The following ZKSCAN3 variants were observed in gnomAD, a reference collection of about 807,000 sequenced individuals.
ZKSCAN3 encodes the protein zinc finger with KRAB and SCAN domains 3.
In ZKSCAN3, 21 loss-of-function variants were observed where a neutral mutation model predicts 30.7. The observed-to-expected ratio is 0.68, with a 90% CI of 0.49 to 0.99. The LOEUF is 0.99. Ranked by LOEUF, ZKSCAN3 falls within the 50% of genes least tolerant of loss-of-function variation. ZKSCAN3 has a pLI of 0.00. For missense variants in ZKSCAN3, 507 were observed against 647.1 expected (o/e 0.78, Z 2.35); for synonymous variants, 201 against 246.7 (o/e 0.81, Z 1.73).
intron 1 of ZKSCAN3, among the ~76,000 whole-genome samples, chr6:28,359,016 T>C (rs1765613637): frequency 6.6e-6 from 1 of 151,656 alleles, no homozygotes; most frequent in Admixed American, 6.6e-5. Context: ...AGCCAAGGTG[T>C]TGGTAGGGCT....
At chr6:28,358,484 A>G (rs1765567180) in intron 1 of ZKSCAN3, among the ~76,000 whole-genome samples, 1 of 151,322 alleles carries the variant, frequency 6.6e-6, no homozygotes, top group South Asian at 2.1e-4. Context: ...TTTCCCAGAT[A>G]TTTTCCAGCT....
rs373490137 is a variant in ZKSCAN3 at position 28,363,148 on chromosome 6, TGCAGTG to T, written c.551-152_551-147del. 5.2e-3 allele frequency among the ~76,000 whole-genome samples: 792 copies of T among 152,256 alleles called. 9 individuals are homozygous for T. Among genetic ancestry groups the T allele is most frequent in the Non-Finnish European group, 8.6e-3 (588 of 68,018 alleles). On this transcript the variant is annotated intron_variant, in intron 3 of 5. Transcript: ENST00000252211. ...TCTTACTTTGTTGCCCAGGCTGGAGTGCAGTGGCTCAATCACAGCTCATTGCAGCTT... is the reference window on the plus strand; with the variant it reads ...TCTTACTTTGTTGCCCAGGCTGGAGTGCTCAATCACAGCTCATTGCAGCTT...
intron 1 of ZKSCAN3, chr6:28,353,830 A>T (rs1033349662): frequency 4.4e-6 from 2 of 457,000 alleles, no homozygotes; most frequent in Non-Finnish European, 8.8e-6. Flanking sequence ...CCAGTGAATT[A>T]TACTATTAGC....
Position 28,359,675 on chromosome 6 carries a change from A to G in ZKSCAN3, c.89A>G (p.Glu30Gly). The change falls in exon 2 of 6, where the codon GAA becomes GGA. Residue 30 changes from glutamate to glycine, a missense_variant. Coordinates refer to ENST00000252211, the MANE Select transcript of ZKSCAN3 (RefSeq NM_024493.4). Reference sequence around the variant, plus strand: ...CTTCTGGTCATAAAGGTGGAGGAAGAAGAAGCCGGTTTTCCCAGTAGCCCA... The same window carrying G: ...CTTCTGGTCATAAAGGTGGAGGAAGGAGAAGCCGGTTTTCCCAGTAGCCCA... ...MELLVIKVEE[E>G]EAGFPSSPDL... 6.2e-7 allele frequency: 1 copy of G among 1,614,212 alleles called. No individual in the cohort carries two copies. The highest frequency in any genetic ancestry group is 8.5e-7 in the Non-Finnish European group (1 of 1,180,036).
intron 1 of ZKSCAN3, among the ~76,000 whole-genome samples, chr6:28,354,636 T>C (rs904185378): frequency 1.4e-4 from 21 of 152,252 alleles, no homozygotes; most frequent in African/African-American, 4.8e-4. Context: ...GGAGCAATAA[T>C]TTCAGGTTAT....
In ZKSCAN3 at chr6:28,364,778, A is replaced by G. The variant is rs555603151; in HGVS notation, c.758-648A>G. Among the ~76,000 whole-genome samples, 8 of 152,140 alleles carry G rather than the reference A, an allele frequency of 5.3e-5. No homozygotes were observed. In the East Asian group the frequency reaches 1.4e-3, roughly 26 times the overall value. On this transcript the variant is annotated intron_variant, in intron 5 of 5. Coordinates refer to ENST00000252211, the MANE Select transcript of ZKSCAN3 (RefSeq NM_024493.4). ...AGTCTCACTCTGTCGCCCAGGCTGGAGTGCAGTGGTGCAGTCTTGGCTCAC... is the reference window on the plus strand; with the variant it reads ...AGTCTCACTCTGTCGCCCAGGCTGGGGTGCAGTGGTGCAGTCTTGGCTCAC...
Position 28,368,112 on chromosome 6 carries a change from G to A in ZKSCAN3, c.*1827G>A, listed in dbSNP as rs1276958195. On this transcript the variant is annotated 3_prime_UTR_variant, in exon 6 of 6. Coordinates refer to ENST00000252211, the MANE Select transcript of ZKSCAN3 (RefSeq NM_024493.4). Reference sequence around the variant, plus strand: ...TTCTCCTTATTCAATTCCCACCTATGAGTGAGAATATGCCGTGTTTGATTT... The same window carrying A: ...TTCTCCTTATTCAATTCCCACCTATAAGTGAGAATATGCCGTGTTTGATTT... 1 of 142,742 alleles carries A rather than the reference G, an allele frequency of 7.0e-6. No homozygotes were observed. The highest frequency in any genetic ancestry group is 2.6e-5 in the African/African-American group (1 of 38,092). The allele number at this position is 142,742 out of a possible 1,614,324, so 8.8% of individuals were successfully genotyped here.
chr6:28,354,917 C>T lies in ZKSCAN3; in HGVS notation c.-62-4608C>T, dbSNP rs114485618. Among the ~76,000 whole-genome samples, 166 of 152,336 alleles carry T rather than the reference C, an allele frequency of 1.1e-3. 1 individual carries two copies. Among genetic ancestry groups the T allele is most frequent in the African/African-American group, 3.8e-3 (156 of 41,578 alleles). Reference sequence around the variant, plus strand: ...ACTGCCCAGCTATCAGTGCAGATTACGTGTCACCTTCTTGGTGATCACCAT... The same window carrying T: ...ACTGCCCAGCTATCAGTGCAGATTATGTGTCACCTTCTTGGTGATCACCAT... On this transcript the variant is annotated intron_variant, in intron 1 of 5. Coordinates refer to ENST00000252211, the MANE Select transcript of ZKSCAN3 (RefSeq NM_024493.4).
At chr6:28,354,337 G>A (rs1000103709) in intron 1 of ZKSCAN3, 9 of 218,586 alleles carry the variant, frequency 4.1e-5, no homozygotes, top group East Asian at 1.1e-4. Flanking sequence ...GCTGAGTCAC[G>A]CTGGCCTGCA....
chr6:28,366,014 C>T lies in ZKSCAN3; in HGVS notation c.1346C>T (p.Thr449Ile). The change falls in exon 6 of 6, where the codon ACT (threonine) becomes ATT (isoleucine). Residue 449 changes from threonine to isoleucine, a missense_variant. Transcript: ENST00000252211. ...CTCCTGAGACATCAGAGGATCCATA[C>T]TGGGGATAAAAATGTTCAGGAACCT... ...SHLLRHQRIH[T>I]GDKNVQEPEQ... is the part of the protein sequence containing the mutation. 5 of 1,613,806 alleles carry T rather than the reference C, an allele frequency of 3.1e-6. No individual in the cohort carries two copies. The highest frequency in any genetic ancestry group is 4.2e-6 in the Non-Finnish European group (5 of 1,179,856).
rs981143295 is a variant in ZKSCAN3, at chr6:28,350,054, G to C, written c.-76G>C. On this transcript the variant is annotated 5_prime_UTR_variant, in exon 1 of 6. Transcript: ENST00000252211. ...CTCCTGTCGGTCCTGCAGTTCTTTT[G>C]TCCCCGGGTAGAGGTGCGTTTGCAG... The C allele has an allele frequency of 6.6e-6, 1 of 152,374 alleles. No homozygotes were observed. The highest frequency in any genetic ancestry group is 2.4e-5 in the African/African-American group (1 of 41,288). 9.4% of individuals were successfully genotyped at this position (152,374 alleles called of 1,614,324 possible). A position where few individuals can be genotyped will look rare whatever the true frequency, so the allele number is the denominator to read the frequency against.
chr6:28,366,425 T>C lies in ZKSCAN3; in HGVS notation c.*140T>C, dbSNP rs888642371. 9 of 920,616 alleles carry C rather than the reference T, an allele frequency of 9.8e-6. No homozygotes were observed. The highest frequency in any genetic ancestry group is 1.7e-5 in the African/African-American group (1 of 59,932). The allele number at this position is 920,616 out of a possible 1,614,324, so 57.0% of individuals were successfully genotyped here. Reference sequence around the variant, plus strand: ...CAGGTGTTAGAAAATGTAGACTGGGTTAGACAAATTATCTTCTAAGTTCTA... The same window carrying C: ...CAGGTGTTAGAAAATGTAGACTGGGCTAGACAAATTATCTTCTAAGTTCTA... On this transcript the variant is annotated 3_prime_UTR_variant, in exon 6 of 6. Transcript: ENST00000252211.
chr6:28,353,967 A>C (rs1231834547), intron 1 of ZKSCAN3: 2 of 454,638 alleles, frequency 4.4e-6, no homozygotes, highest in African/African-American at 4.0e-5. Flanking sequence ...AGGCAGGTAA[A>C]ATATGATTTT....
rs373340452 is a variant in ZKSCAN3 at position 28,363,723 on chromosome 6, C to T, written c.665C>T (p.Thr222Ile). ...TTGAAAGTGGAAGATGTGGCCCTGA[C>T]CCTCACCCCTGAATGGACACAGCAG... Reference protein sequence around the residue: ...GLLKVEDVALTLTPEWTQQDS... With the variant: ...GLLKVEDVALILTPEWTQQDS... The change falls in exon 5 of 6, where the codon ACC becomes ATC. Residue 222 changes from threonine to isoleucine, a missense_variant. Thr to Ile is a moderately conservative substitution (Grantham distance 89). Transcript: ENST00000252211. 1.9e-4 allele frequency: 314 copies of T among 1,614,026 alleles called. No homozygotes were observed. The highest frequency in any genetic ancestry group is 2.4e-4 in the Non-Finnish European group (285 of 1,179,964).
intron 2 of ZKSCAN3, chr6:28,360,522 A>G: frequency 3.1e-6 from 3 of 963,824 alleles, no homozygotes; most frequent in Non-Finnish European, 3.7e-6. Context: ...CTACGTGGGA[A>G]GGAGTTCATG....
intron 3 of ZKSCAN3, 33 bp from the exon 4 acceptor site, chr6:28,363,270 G>A (rs1765832680): frequency 6.3e-7 from 1 of 1,589,084 alleles, no homozygotes; most frequent in African/African-American, 1.3e-5. Flanking sequence ...GAATGCCAGG[G>A]TACATCTCAT....
chr6:28,364,030 C>G (rs967489854), intron 5 of ZKSCAN3, among the ~76,000 whole-genome samples: 1 of 152,098 alleles, frequency 6.6e-6, no homozygotes, highest in Non-Finnish European at 1.5e-5. Flanking sequence ...AGTGCAGTGA[C>G]ACAATCATGG....
rs1040683909 is a variant in ZKSCAN3, at chr6:28,351,751, T to A, written c.-63+1684T>A. 2.0e-5 allele frequency among the ~76,000 whole-genome samples: 3 copies of A among 151,826 alleles called. No individual in the cohort carries two copies. Among genetic ancestry groups the A allele is most frequent in the African/African-American group, 7.3e-5 (3 of 41,284 alleles). ...CCTTCCCTCCCTCTCCCCCTCTTTATCTCTTTTTTTTCCTCATTTCGTCCC... is the reference window on the plus strand; with the variant it reads ...CCTTCCCTCCCTCTCCCCCTCTTTAACTCTTTTTTTTCCTCATTTCGTCCC... On this transcript the variant is annotated intron_variant, in intron 1 of 5. Coordinates refer to ENST00000252211, the MANE Select transcript of ZKSCAN3 (RefSeq NM_024493.4). The surrounding 1 kb of genome is among the most constrained non-coding windows in gnomAD (Gnocchi z 4.6).
chr6:28,363,796 T>A lies in ZKSCAN3; in HGVS notation c.738T>A (p.His246Gln), dbSNP rs213227. 0.02 allele frequency: 32,189 copies of A among 1,613,804 alleles called. 841 individuals carry two copies. Among genetic ancestry groups the A allele is most frequent in the African/African-American group, 0.12 (8,893 of 74,992 alleles). ...NLCRDEKQEN[H>Q]GSLVSLGDEK... The stretch of plus-strand genomic sequence containing the variant: ...GTAGAGATGAAAAGCAGGAGAACCA[T>A]GGCAGCCTGGTCTCCCTGGGTAAGA... The change falls in exon 5 of 6, where the codon CAT (histidine) becomes CAA (glutamine). Residue 246 changes from histidine to glutamine, a missense_variant. Transcript: ENST00000252211.
Sources: gnomAD v4.1 joint callset for allele counts (sites outside exome capture counted in the v4.1 genomes callset) on GRCh38, gnomAD v4.1.1 for gene constraint, Gnocchi (gnomAD v3.1) non-coding constraint, MANE v1.5 for transcripts, NCBI Gene and HGNC (gene_info 2026-07-23, HGNC 2026-07-21) for gene names.